Variants in ERC2 observed in about 807,000 individuals in gnomAD.
ERC2 encodes ERC protein 2.
In ERC2, 42 loss-of-function variants were observed where a neutral mutation model predicts 114.8. The ratio of observed to expected loss-of-function variants is 0.37; its 90% CI spans 0.29 to 0.47. ERC2 has a LOEUF of 0.47. Among genes scored for constraint, ERC2 ranks in the 20% least tolerant of loss-of-function variants. The pLI, the probability that ERC2 is intolerant of heterozygous loss-of-function variation, is 0.99. For missense variants in ERC2, 939 were observed against 1,150.7 expected, an observed-to-expected ratio of 0.82 and a Z score of 2.66; for synonymous variants, 454 against 425.5, an observed-to-expected ratio of 1.07 and a Z score of -0.82.
chr3:55,787,031 C>T (rs1431908327), intron 14 of ERC2, among the ~76,000 whole-genome samples: 1 of 152,140 alleles, frequency 6.6e-6, no homozygotes, highest in African/African-American at 2.4e-5. Context: ...AGTTTTAATA[C>T]CAGCTTTCCT....
intron 17 of ERC2, among the ~76,000 whole-genome samples, chr3:55,601,136 A>G (rs911140433): frequency 5.9e-5 from 9 of 152,216 alleles, no homozygotes; most frequent in African/African-American, 2.2e-4. Flanking sequence ...TGGACAAAGG[A>G]GATTGCTGGG....
intron 2 of ERC2, among the ~76,000 whole-genome samples, chr3:56,327,543 G>T (rs1576448272): frequency 6.6e-6 from 1 of 152,168 alleles, no homozygotes; most frequent in African/African-American, 2.4e-5. Context: ...GGGCATGGTA[G>T]CCCACACCTG....
intron 14 of ERC2, among the ~76,000 whole-genome samples, chr3:55,820,728 G>A (rs1277540864): frequency 6.6e-6 from 1 of 152,210 alleles, no homozygotes; most frequent in African/African-American, 2.4e-5. Context: ...TACTCTGGGT[G>A]AGAAAATGTT....
chr3:55,889,634 G>A (rs770612588), intron 13 of ERC2, among the ~76,000 whole-genome samples: 12 of 152,086 alleles, frequency 7.9e-5, no homozygotes, highest in Non-Finnish European at 1.6e-4. Flanking sequence ...GGAGCAAGCT[G>A]GTGAAATGCC....
At chr3:55,640,517 G>C (rs1404163922) in intron 17 of ERC2, among the ~76,000 whole-genome samples, 1 of 152,178 alleles carries the variant, frequency 6.6e-6, no homozygotes, top group African/African-American at 2.4e-5. Flanking sequence ...CAGGTGACCT[G>C]GTTCTGAGAT....
chr3:55,768,831 T>C (rs1486885292), intron 14 of ERC2, among the ~76,000 whole-genome samples: 9 of 152,096 alleles, frequency 5.9e-5, no homozygotes, highest in Admixed American at 5.9e-4. Flanking sequence ...GGGGTTGGGT[T>C]TTACTTTAGT....
chr3:55,578,129 C>G (rs1386311394), intron 17 of ERC2, among the ~76,000 whole-genome samples: 1 of 152,220 alleles, frequency 6.6e-6, no homozygotes, highest in Non-Finnish European at 1.5e-5. Context: ...CCCAGCATCT[C>G]TCATCTGACT....
intron 3 of ERC2, among the ~76,000 whole-genome samples, chr3:56,285,956 C>G (rs1159101486): frequency 1.3e-5 from 2 of 152,200 alleles, no homozygotes; most frequent in African/African-American, 4.8e-5. Context: ...CTCCACTTCT[C>G]TGGTGATTCT....
chr3:56,169,982 GACAGTTATCC>G (rs1288942015), intron 4 of ERC2, among the ~76,000 whole-genome samples: 5 of 152,126 alleles, frequency 3.3e-5, no homozygotes, highest in African/African-American at 1.2e-4. Context: ...CATTCTTATT[GACAGTTATCC>G]ACAAGAGCAG....
At chr3:55,703,065 C>T (rs1453125166) in intron 15 of ERC2, among the ~76,000 whole-genome samples, 2 of 152,172 alleles carry the variant, frequency 1.3e-5, no homozygotes, top group Admixed American at 6.5e-5. Context: ...TCATTTTCTA[C>T]TTCCTCTTTC....
At chr3:55,599,981 T>C (rs903643341) in intron 17 of ERC2, among the ~76,000 whole-genome samples, 10 of 152,108 alleles carry the variant, frequency 6.6e-5, no homozygotes, top group African/African-American at 2.4e-4. Context: ...CAGAAGACTA[T>C]AGACAGGACA....
intron 17 of ERC2, among the ~76,000 whole-genome samples, chr3:55,652,588 C>T (rs1397298648): frequency 1.3e-5 from 2 of 152,220 alleles, no homozygotes; most frequent in African/African-American, 4.8e-5. Context: ...AAGAAGTGCA[C>T]GTTGGCCGGG....
intron 7 of ERC2, among the ~76,000 whole-genome samples, chr3:56,045,031 C>T (rs2075387951): frequency 6.6e-6 from 1 of 152,114 alleles, no homozygotes; most frequent in Non-Finnish European, 1.5e-5. Flanking sequence ...AGCAATAGTT[C>T]TAGTGGATAT....
At position 56,434,606 on chromosome 3, in the gene ERC2, C is replaced by A; in HGVS notation, c.402G>T (p.Gln134His). Residue 134 changes from glutamine (Q) to histidine (H), a missense_variant, in exon 2 of 18, where the codon CAG becomes CAT. By Grantham distance (24) the Gln-to-His change is conservative. This residue lies in a region of ERC2 where 281 missense variants were observed against 307.4 expected (regional missense o/e 0.91). Transcript: ENST00000288221. The stretch of plus-strand genomic sequence containing the variant: ...TTACCTGCCTCAACATGGAGGGGAC[C>A]TGGTGGTGGTGATGATGGGATGAGC... ...LTGSSHHHHH[Q>H]VPSMLRQVRD... is the part of the protein sequence containing the mutation. 6.2e-7 allele frequency: 1 copy of A among 1,613,874 alleles called. No homozygotes were observed. The highest frequency in any genetic ancestry group is 2.2e-5 in the East Asian group (1 of 44,878).
At chr3:55,529,023 A>G (rs1364324340) in intron 17 of ERC2, among the ~76,000 whole-genome samples, 1 of 152,200 alleles carries the variant, frequency 6.6e-6, no homozygotes, top group African/African-American at 2.4e-5. Flanking sequence ...GGATTCTGCC[A>G]TATGAAGCAG....
At chr3:55,843,692 G>A (rs2061232404) in intron 14 of ERC2, among the ~76,000 whole-genome samples, 1 of 152,202 alleles carries the variant, frequency 6.6e-6, no homozygotes, top group African/African-American at 2.4e-5. Flanking sequence ...ATGCTGAAAA[G>A]CACAAGTTCT....
chr3:55,897,231 G>T (rs141838428), intron 13 of ERC2, among the ~76,000 whole-genome samples: 6 of 152,140 alleles, frequency 3.9e-5, no homozygotes, highest in African/African-American at 7.2e-5. Flanking sequence ...CCCACTCCAG[G>T]TTCCATGCAT....
chr3:55,838,814 T>C (rs1043091874), intron 14 of ERC2, among the ~76,000 whole-genome samples: 39 of 151,962 alleles, frequency 2.6e-4, no homozygotes, highest in African/African-American at 8.2e-4. Flanking sequence ...CCTACAATTC[T>C]ATGTTCATAA....
chr3:55,536,852 A>G (rs967572887), intron 17 of ERC2, among the ~76,000 whole-genome samples: 1 of 152,186 alleles, frequency 6.6e-6, no homozygotes, highest in Non-Finnish European at 1.5e-5. Context: ...CCCGTCCTAC[A>G]GGAAGGGACT....
Sources: allele counts gnomAD v4.1 joint callset (sites outside exome capture counted in the v4.1 genomes callset), GRCh38; gene constraint gnomAD v4.1.1; regional missense constraint gnomAD v4.1.1; transcripts MANE v1.5; gene names NCBI Gene and HGNC (gene_info 2026-07-23, HGNC 2026-07-21).